AIFM3: variants seen among roughly 807,000 people sequenced by gnomAD.
AIFM3 encodes the protein AIF family member 3.
Under a neutral mutation model 82.7 loss-of-function variants are expected in AIFM3, and 71 were observed. The observed-to-expected ratio is 0.86, with a 90% CI of 0.71 to 1.05. The LOEUF (loss-of-function observed/expected upper bound fraction) is 1.05. Ranked by LOEUF, AIFM3 falls within the 50% of genes least tolerant of loss-of-function variation. AIFM3 has a pLI of 0.00. For synonymous variants in AIFM3, 337 were observed against 329.1 expected (o/e 1.02, Z -0.26); for missense variants, 748 against 816.7 (o/e 0.92, Z 1.03).
intron 4 of AIFM3, 70 bp downstream of exon 4, chr22:20,973,937 C>T: frequency 6.8e-7 from 1 of 1,473,018 alleles, no homozygotes; most frequent in South Asian, 1.4e-5. Flanking sequence ...CTCCCCAGAC[C>T]CCAGGATCTT....
At chr22:20,966,181 T>G (rs1479878122), upstream of AIFM3, among the ~76,000 whole-genome samples, 2 of 152,194 alleles carry the variant, frequency 1.3e-5, no homozygotes, top group African/African-American at 4.8e-5. Flanking sequence ...AGACCAGGTC[T>G]GACCTTTTCT....
At position 20,974,588 on chromosome 22, in the gene AIFM3, A is replaced by G. The variant is rs1569148069; in HGVS notation, c.574A>G (p.Ser192Gly). The change falls in exon 7 of 21, where the codon AGC (serine) becomes GGC (glycine). Residue 192 changes from serine to glycine, a missense_variant. Ser to Gly is a moderately conservative substitution (Grantham distance 56). This residue lies in a region of AIFM3 where 393 missense variants were observed against 481.1 expected (regional missense o/e 0.82). Transcript: ENST00000440238. ...GTGTATCTCTCCAAGTGCTGGGTAC[A>G]GCAGTAGCACCAATGTGCTCATTGT... ...AKCISPSAGYSSSTNVLIVGA... is the reference protein window; with the variant it reads ...AKCISPSAGYGSSTNVLIVGA... 3.1e-6 allele frequency: 5 copies of G among 1,613,936 alleles called. No homozygotes were observed. The highest frequency in any genetic ancestry group is 1.1e-5 in the South Asian group (1 of 90,978).
chr22:20,967,950 C>A lies in AIFM3; in HGVS notation c.6C>A (p.Gly2=), dbSNP rs148333657. The part of the protein sequence containing the change: M[G]GCFSKPKPVE... ...CCATCCTCAGGCCACTCGCCATGGG[C>A]GGCTGCTTCTCCAAACCCAAACCAG... Residue 2 remains glycine, a synonymous_variant, in exon 2 of 21, where the codon GGC becomes GGA. Transcript: ENST00000440238. 8 of 1,613,998 alleles carry A rather than the reference C, an allele frequency of 5.0e-6. No individual in the cohort carries two copies. The African/African-American group carries it at 6.7e-5, about 13-fold the overall frequency.
In AIFM3 at chr22:20,977,643, G is replaced by GAGTGACTAC; in HGVS notation, c.1283-56_1283-48dup. On this transcript the variant is annotated intron_variant, in intron 14 of 20. Transcript: ENST00000440238. ...TCAAGCGCATGCTGTAGGGTGTGGA[G>GAGTGACTAC]AGTGACTACGCAGAAGGCAGGGACA... The GAGTGACTAC allele has an allele frequency of 3.1e-6, 5 of 1,605,638 alleles. No individual in the cohort carries two copies. In the South Asian group the frequency reaches 5.5e-5, roughly 18 times the overall value.
intron 1 of AIFM3, 175 bp from the exon 2 acceptor site, chr22:20,967,630 G>GA: frequency 2.1e-6 from 1 of 466,118 alleles, no homozygotes; most frequent in Non-Finnish European, 3.8e-6. Flanking sequence ...GCTGAGCTTG[G>GA]AGGGCTTCAA....
intron 4 of AIFM3, 42 bp from the exon 5 acceptor site, chr22:20,974,021 A>C: frequency 6.4e-7 from 1 of 1,558,864 alleles, no homozygotes; most frequent in Non-Finnish European, 8.7e-7. Context: ...CTTGGGAAGC[A>C]ACCCCTGCTG....
Position 20,979,698 on chromosome 22 carries a change from A to G in AIFM3, c.1648A>G (p.Thr550Ala). The part of the protein sequence containing the change: ...LEELKFVAFY[T>A]KGDEVIAVAS... The stretch of plus-strand genomic sequence containing the variant: ...GGAGCTGAAGTTTGTGGCTTTTTAC[A>G]CTAAGTGAGAGCACCGGGGTGCAGC... Residue 550 changes from threonine to alanine, a missense_variant, in exon 18 of 21, where the codon ACT (threonine) becomes GCT (alanine). Physicochemically the swap from Thr to Ala is moderately conservative, Grantham distance 58. Around this residue, in one of 5 missense-constraint regions of AIFM3, gnomAD observed 183 missense variants for 158.2 expected, o/e 1.16. Coordinates refer to ENST00000440238, the MANE Select transcript of AIFM3 (RefSeq NM_001386814.1). 1 of 1,614,144 alleles carries G rather than the reference A, an allele frequency of 6.2e-7. No homozygotes were observed. The highest frequency in any genetic ancestry group is 8.5e-7 in the Non-Finnish European group (1 of 1,180,028).
intron 9 of AIFM3, 122 bp from the exon 10 acceptor site, chr22:20,976,093 C>T (rs1411810486): frequency 6.4e-6 from 7 of 1,095,452 alleles, no homozygotes; most frequent in African/African-American, 1.6e-5. Flanking sequence ...GTGGCAGGAT[C>T]TGTTTTAATG....
rs1254239990 is a variant in AIFM3 at position 20,976,441 on chromosome 22, G to A, written c.933G>A (p.Val311=). 1 of 1,614,088 alleles carries A rather than the reference G, an allele frequency of 6.2e-7. No homozygotes were observed. Residue 311 remains valine, a synonymous_variant, in exon 11 of 21, where the codon GTG becomes GTA. Coordinates refer to ENST00000440238, the MANE Select transcript of AIFM3 (RefSeq NM_001386814.1). The part of the protein sequence containing the change: ...PKTLSCKGKE[V]ENVFTIRTPE... ...CTCTGAGCTGCAAAGGCAAAGAAGT[G>A]GAGAACGTGTTCACTATCCGGACGC... is the stretch of plus-strand genomic sequence containing the variant.
At chr22:20,966,704 C>T (rs1200497230), upstream of AIFM3, 2 of 152,304 alleles carry the variant, frequency 1.3e-5, no homozygotes, top group African/African-American at 2.4e-5. Context: ...CTGCATCTTC[C>T]GGAAGGCCCA....
intron 2 of AIFM3, among the ~76,000 whole-genome samples, chr22:20,969,696 A>G (rs1341787889): frequency 6.6e-6 from 1 of 151,980 alleles, no homozygotes; most frequent in Non-Finnish European, 1.5e-5. Flanking sequence ...CCCAAGGAAT[A>G]TTATTTGTTA....
intron 20 of AIFM3, 47 bp from the exon 21 acceptor site, chr22:20,980,945 G>C (rs753298024): frequency 5.6e-6 from 9 of 1,613,844 alleles, no homozygotes; most frequent in South Asian, 2.2e-5. Context: ...CCAGAGTGGA[G>C]AGCCTGTTTT....
intron 14 of AIFM3, 31 bp from the exon 15 acceptor site, chr22:20,977,667 CAG>C (rs2147947643): frequency 1.2e-6 from 2 of 1,613,294 alleles, no homozygotes; most frequent in Non-Finnish European, 1.7e-6. Flanking sequence ...AAGGCAGGGA[CAG>C]GGGAGTGGAC....
rs1318172045 is a variant in AIFM3, at chr22:20,976,400, T to A, written c.900-8T>A. 1.2e-5 allele frequency: 20 copies of A among 1,613,878 alleles called. No individual in the cohort carries two copies. Among genetic ancestry groups the A allele is most frequent in the Non-Finnish European group, 1.6e-5 (19 of 1,179,992 alleles). On this transcript the variant is annotated splice_region_variant and splice_polypyrimidine_tract_variant and intron_variant, in intron 10 of 20. Coordinates refer to ENST00000440238, the MANE Select transcript of AIFM3 (RefSeq NM_001386814.1). ...CAGGAGGCCCTCACTGACACGGCCA[T>A]GTCTCAGCCCCAAGACTCTGAGCTG...
At chr22:20,975,123 G>A (rs1923557873) in intron 8 of AIFM3, among the ~76,000 whole-genome samples, 1 of 152,060 alleles carries the variant, frequency 6.6e-6, no homozygotes, top group African/African-American at 2.4e-5. Flanking sequence ...CCACCACCAT[G>A]CCTGGCTAAT....
intron 14 of AIFM3, 51 bp downstream of exon 14, chr22:20,977,146 A>G (rs1174555651): frequency 2.5e-6 from 4 of 1,610,376 alleles, no homozygotes; most frequent in Non-Finnish European, 2.5e-6. Context: ...CCGTCTGCAC[A>G]TGCTCACATG....
At chr22:20,969,680 C>T (rs1339185351) in intron 2 of AIFM3, among the ~76,000 whole-genome samples, 1 of 152,128 alleles carries the variant, frequency 6.6e-6, no homozygotes, top group African/African-American at 2.4e-5. Flanking sequence ...CCGCCCATCT[C>T]GGCCTCCCAA....
Position 20,974,508 on chromosome 22 carries a change from C to A in AIFM3, c.511-17C>A. ...GCAGAGGATGGCAGTGACCCTCCAC[C>A]CTCCTGGCACCCACAGGCCCTACAG... On this transcript the variant is annotated splice_polypyrimidine_tract_variant and intron_variant, in intron 6 of 20. Coordinates refer to ENST00000440238, the MANE Select transcript of AIFM3 (RefSeq NM_001386814.1). The A allele has an allele frequency of 1.2e-6, 2 of 1,605,774 alleles. No homozygotes were observed.
In AIFM3 at chr22:20,979,650, G is replaced by T. The variant is rs1355240490; in HGVS notation, c.1600G>T (p.Val534Phe). ...AGGCTACGGAGAAGGCTTCGACGAC[G>T]TCATCATCCAGGGGGATCTGGAGGA... ...YAGYGEGFDD[V>F]IIQGDLEELK... Residue 534 changes from valine to phenylalanine, a missense_variant, in exon 18 of 21, where the codon GTC (valine) becomes TTC (phenylalanine). By Grantham distance (50) the Val-to-Phe change is conservative. Coordinates refer to ENST00000440238, the MANE Select transcript of AIFM3 (RefSeq NM_001386814.1). The T allele has an allele frequency of 5.6e-6, 9 of 1,614,218 alleles. No homozygotes were observed. Among genetic ancestry groups the T allele is most frequent in the Non-Finnish European group, 7.6e-6 (9 of 1,180,036 alleles).
Sources: gnomAD v4.1 joint callset for allele counts (sites outside exome capture counted in the v4.1 genomes callset) on GRCh38, gnomAD v4.1.1 for gene constraint, gnomAD v4.1.1 regional missense constraint, MANE v1.5 for transcripts, NCBI Gene and HGNC (gene_info 2026-07-23, HGNC 2026-07-21) for gene names.